The following CFAP54 variants were observed in gnomAD, a reference collection of about 807,000 sequenced individuals.
CFAP54 encodes the protein cilia- and flagella-associated protein 54.
A neutral mutation model predicts 370.4 loss-of-function variants in CFAP54; 290 were observed. That is an observed-to-expected ratio of 0.78 (90% CI 0.71 to 0.86). The LOEUF (loss-of-function observed/expected upper bound fraction) is 0.86, where lower values mean the gene tolerates loss of function less well. Among genes scored for constraint, CFAP54 ranks in the 40% least tolerant of loss-of-function variants. The pLI, the probability that CFAP54 is intolerant of heterozygous loss-of-function variation, is 0.00. For missense variants in CFAP54, 3,399 were observed against 3,528.7 expected (o/e 0.96, Z 0.93); for synonymous variants, 1,206 against 1,236.5 (o/e 0.98, Z 0.52).
chr12:96,655,100 G>T (rs1250398935), intron 36 of CFAP54, among the ~76,000 whole-genome samples: 1 of 151,756 alleles, frequency 6.6e-6, no homozygotes, highest in Non-Finnish European at 1.5e-5. Flanking sequence ...GCTTACTAAA[G>T]CTATGGTAAT....
At position 96,870,209 on chromosome 12, in the gene CFAP54, C is replaced by T. The variant is rs562641852; in HGVS notation, c.*15-4909C>T. ...CTGGGAGGTGGAAGTTGCAGTGAGC[C>T]GAGATCGCACCACCGCACTCCAGCC... On this transcript the variant is annotated intron_variant, in intron 67 of 67. Transcript: ENST00000524981. 7.3e-5 allele frequency among the ~76,000 whole-genome samples: 11 copies of T among 151,508 alleles called. No individual in the cohort carries two copies. The South Asian group carries it at 1.7e-3, about 23-fold the overall frequency.
At chr12:96,841,646 T>A (rs1361773009) in intron 66 of CFAP54, among the ~76,000 whole-genome samples, 1 of 152,264 alleles carries the variant, frequency 6.6e-6, no homozygotes, top group Non-Finnish European at 1.5e-5. Context: ...CTAATGCCAT[T>A]ATGTCCTTTT....
intron 26 of CFAP54, among the ~76,000 whole-genome samples, chr12:96,605,369 G>A (rs1372925491): frequency 6.6e-6 from 1 of 152,124 alleles, no homozygotes; most frequent in Non-Finnish European, 1.5e-5. Context: ...GGAGGGGTGT[G>A]TTAATCTCAT....
chr12:96,847,764 G>C (rs2136451430), intron 66 of CFAP54, among the ~76,000 whole-genome samples: 1 of 152,296 alleles, frequency 6.6e-6, no homozygotes, highest in South Asian at 2.1e-4. Flanking sequence ...GAAATGTTTT[G>C]GATTTGGCTG....
At chr12:96,742,220 A>G (rs1473898960) in intron 51 of CFAP54, among the ~76,000 whole-genome samples, 2 of 152,256 alleles carry the variant, frequency 1.3e-5, no homozygotes, top group Non-Finnish European at 2.9e-5. Flanking sequence ...GCTGAAAAGC[A>G]GTATGCTAAA....
intron 66 of CFAP54, among the ~76,000 whole-genome samples, chr12:96,839,800 G>A (rs1375498795): frequency 1.3e-5 from 2 of 152,128 alleles, no homozygotes; most frequent in East Asian, 1.9e-4. Flanking sequence ...CTGGTTGTCA[G>A]CCATCAGCTG....
chr12:96,563,432 A>G (rs550374153), intron 17 of CFAP54, among the ~76,000 whole-genome samples: 1 of 152,342 alleles, frequency 6.6e-6, no homozygotes, highest in African/African-American at 2.4e-5. Context: ...TGTCCATGAC[A>G]TAAATATGAT....
rs373366637 is a variant in CFAP54, at chr12:96,634,177, T to C, written c.4316+3526T>C. ...TTCAAGTGATTCTCCTGTCTCAGCC[T>C]CCTGAGTAGATGGGATTACAGGCAT... On this transcript the variant is annotated intron_variant, in intron 32 of 67. Transcript: ENST00000524981. Among the ~76,000 whole-genome samples, 11 of 146,250 alleles carry C rather than the reference T, an allele frequency of 7.5e-5. No homozygotes were observed. In the East Asian group the frequency reaches 1.3e-3, roughly 17 times the overall value.
chr12:96,804,320 A>T (rs1424160722), intron 63 of CFAP54, among the ~76,000 whole-genome samples: 3 of 152,216 alleles, frequency 2.0e-5, no homozygotes, highest in African/African-American at 7.2e-5. Context: ...TATTAAAGAC[A>T]TACAAATTGG....
At chr12:96,705,132 T>A (rs1436862226) in intron 47 of CFAP54, among the ~76,000 whole-genome samples, 5 of 152,168 alleles carry the variant, frequency 3.3e-5, no homozygotes. Context: ...CAACCATTGT[T>A]AAAGGGGGCT....
chr12:96,748,800 G>A (rs1395739543), intron 55 of CFAP54, among the ~76,000 whole-genome samples: 1 of 152,134 alleles, frequency 6.6e-6, no homozygotes, highest in African/African-American at 2.4e-5. Flanking sequence ...CTGTAGCTCA[G>A]GAATTTTACC....
In CFAP54 at chr12:96,621,875, G is replaced by GTTTTTTTTTTTTTTTT; in HGVS notation, c.3771+171_3771+186dup. Among the ~76,000 whole-genome samples the GTTTTTTTTTTTTTTTT allele has an allele frequency of 3.2e-3, 158 of 50,030 alleles. 9 individuals carry two copies. Among genetic ancestry groups the GTTTTTTTTTTTTTTTT allele is most frequent in the Middle Eastern group, 0.026 (1 of 38 alleles). 32.8% of individuals were successfully genotyped at this position (50,030 alleles called of 152,430 possible). A position where few individuals can be genotyped will look rare whatever the true frequency, so the allele number is the denominator to read the frequency against. On this transcript the variant is annotated intron_variant, in intron 27 of 67. Coordinates refer to ENST00000524981, the MANE Select transcript of CFAP54 (RefSeq NM_001306084.2). ...ATTATAGTAAAGAGCTTTTGGGTTT[G>GTTTTTTTTTTTTTTTT]TTTTTTTTTTTTTTTTTTTTTTTTT...
At position 96,491,143 on chromosome 12, in the gene CFAP54, G is replaced by A. The variant is rs572350350; in HGVS notation, c.317+1217G>A. 2.0e-5 allele frequency among the ~76,000 whole-genome samples: 3 copies of A among 152,142 alleles called. No homozygotes were observed. The South Asian group carries it at 6.2e-4, about 32-fold the overall frequency. On this transcript the variant is annotated intron_variant, in intron 1 of 67. Transcript: ENST00000524981. The stretch of plus-strand genomic sequence containing the variant: ...AGCTACTGCGCCTGGCCTGAGTGTT[G>A]CAATTTTAAATGGGGTGGTGAGAAG...
At chr12:96,794,895 G>A (rs1209051425) in intron 63 of CFAP54, among the ~76,000 whole-genome samples, 2 of 152,140 alleles carry the variant, frequency 1.3e-5, no homozygotes, top group Admixed American at 6.5e-5. Context: ...CTGGGACTCA[G>A]GGGCTTCTGT....
At chr12:96,510,474 AG>A (rs1955153440) in intron 4 of CFAP54, among the ~76,000 whole-genome samples, 1 of 152,070 alleles carries the variant, frequency 6.6e-6, no homozygotes, top group Non-Finnish European at 1.5e-5. Flanking sequence ...TGAAATACAG[AG>A]GGCCCTTGTC....
At chr12:96,573,130 G>A (rs547290881) in intron 19 of CFAP54, 20 of 767,110 alleles carry the variant, frequency 2.6e-5, no homozygotes, top group African/African-American at 1.9e-4. Context: ...ACATAATCCC[G>A]AGGAAGGATA....
chr12:96,780,878 A>T (rs1201876984), intron 60 of CFAP54, among the ~76,000 whole-genome samples: 1 of 152,206 alleles, frequency 6.6e-6, no homozygotes, highest in Non-Finnish European at 1.5e-5. Context: ...TTTAAGGGAA[A>T]AATGAGTGTC....
intron 50 of CFAP54, among the ~76,000 whole-genome samples, chr12:96,723,397 T>A (rs986818598): frequency 2.0e-5 from 3 of 152,062 alleles, no homozygotes; most frequent in Non-Finnish European, 4.4e-5. Flanking sequence ...AAGTGACCAG[T>A]AAGATAGAAG....
intron 22 of CFAP54, among the ~76,000 whole-genome samples, chr12:96,589,073 A>G (rs750091150): frequency 6.6e-6 from 1 of 152,230 alleles, no homozygotes; most frequent in African/African-American, 2.4e-5. Context: ...TCATTATAAC[A>G]GTATCTATAA....
Sources: allele counts gnomAD v4.1 joint callset (sites outside exome capture counted in the v4.1 genomes callset), GRCh38; gene constraint gnomAD v4.1.1; transcripts MANE v1.5; gene names NCBI Gene and HGNC (gene_info 2026-07-23, HGNC 2026-07-21).